The following EXOC6B variants were observed in gnomAD, a reference collection of about 807,000 sequenced individuals.
EXOC6B encodes the protein exocyst complex component 6B, also known as SEC15 homolog B.
In EXOC6B, 54 loss-of-function variants were observed where a neutral mutation model predicts 113.5. That is an observed-to-expected ratio of 0.48 (90% CI 0.38 to 0.60). The LOEUF (loss-of-function observed/expected upper bound fraction) is 0.60. EXOC6B is among the 20% of genes least tolerant of loss of function. The pLI is 0.00. For missense variants in EXOC6B, 797 were observed against 977.5 expected (o/e 0.82, Z 2.46); for synonymous variants, 357 against 339.0 (o/e 1.05, Z -0.58).
intron 6 of EXOC6B, among the ~76,000 whole-genome samples, chr2:72,654,796 G>A (rs1674467844): frequency 6.6e-6 from 1 of 152,158 alleles, no homozygotes; most frequent in Admixed American, 6.5e-5. Flanking sequence ...GAAGTTAGTA[G>A]GCTTTATGAT....
chr2:72,211,742 T>C (rs951703714), intron 20 of EXOC6B, among the ~76,000 whole-genome samples: 3 of 152,230 alleles, frequency 2.0e-5, no homozygotes, highest in African/African-American at 7.2e-5. Flanking sequence ...TAGATTGCTA[T>C]GAAACCAATG....
intron 20 of EXOC6B, among the ~76,000 whole-genome samples, chr2:72,293,118 T>C (rs1320984562): frequency 6.6e-6 from 1 of 152,172 alleles, no homozygotes; most frequent in South Asian, 2.1e-4. Flanking sequence ...CAATCTATTT[T>C]CCAGAGTGAT....
chr2:72,567,343 T>C (rs556607119), intron 7 of EXOC6B, among the ~76,000 whole-genome samples: 3 of 152,148 alleles, frequency 2.0e-5, no homozygotes, highest in African/African-American at 7.2e-5. Flanking sequence ...TTAGTGACAT[T>C]TGCATAATTC....
At chr2:72,661,318 G>A (rs1674995842) in intron 6 of EXOC6B, among the ~76,000 whole-genome samples, 1 of 146,570 alleles carries the variant, frequency 6.8e-6, no homozygotes, top group Non-Finnish European at 1.5e-5. Flanking sequence ...AAACTAAATT[G>A]TCCGTACTCA....
chr2:72,496,463 T>C lies in EXOC6B; in HGVS notation c.1434A>G (p.Glu478=), dbSNP rs1186617687. The change falls in exon 14 of 22, where the codon GAA becomes GAG. Residue 478 remains glutamate (E), a synonymous_variant. Transcript: ENST00000272427. ...TTAAAGTATTCCTTACCTTTTCCAG[T>C]TCTATATCTTGAAATGGGAATTGTC... is the stretch of plus-strand genomic sequence containing the variant. ...VVGQFPFQDI[E]LEKQPFPKKF... The C allele has an allele frequency of 1.3e-6, 2 of 1,583,648 alleles. 1 individual carries two copies. Among genetic ancestry groups the C allele is most frequent in the South Asian group, 2.3e-5 (2 of 87,952 alleles).
intron 20 of EXOC6B, among the ~76,000 whole-genome samples, chr2:72,187,253 G>A (rs1678498761): frequency 6.6e-6 from 1 of 151,998 alleles, no homozygotes; most frequent in African/African-American, 2.4e-5. Context: ...CTGGCTCAGG[G>A]AGCTCCCAGG....
In EXOC6B at chr2:72,265,176, T is replaced by C. The variant is rs1356250907; in HGVS notation, c.2196+69771A>G. Among the ~76,000 whole-genome samples the C allele has an allele frequency of 2.0e-5, 3 of 151,966 alleles. No homozygotes were observed. In the East Asian group the frequency reaches 5.8e-4, roughly 29 times the overall value. ...ATGGACAATGAAGTCCAGGCTGAGA[T>C]GGTCTCAGATGGAGATGAGGAACTT... On this transcript the variant is annotated intron_variant, in intron 20 of 21. Coordinates refer to ENST00000272427, the MANE Select transcript of EXOC6B (RefSeq NM_015189.3).
At chr2:72,718,367 T>C in intron 5 of EXOC6B, 60 bp from the exon 6 acceptor site, 3 of 1,444,780 alleles carry the variant, frequency 2.1e-6, no homozygotes, top group South Asian at 1.2e-5. Flanking sequence ...AGGCAAAATG[T>C]CTAGCCTGAA....
chr2:72,774,310 A>G (rs1683570375), intron 1 of EXOC6B, among the ~76,000 whole-genome samples: 1 of 152,218 alleles, frequency 6.6e-6, no homozygotes, highest in South Asian at 2.1e-4. Flanking sequence ...ATTCTGTAGA[A>G]CACAATAATA....
chr2:72,752,752 C>A (rs891548102), intron 1 of EXOC6B, among the ~76,000 whole-genome samples: 5 of 152,080 alleles, frequency 3.3e-5, no homozygotes, highest in African/African-American at 1.2e-4. Flanking sequence ...CAATAAAAGA[C>A]TATTAATTGT....
intron 18 of EXOC6B, among the ~76,000 whole-genome samples, chr2:72,437,715 G>A (rs563481060): frequency 9.9e-5 from 15 of 152,228 alleles, no homozygotes; most frequent in African/African-American, 3.6e-4. Flanking sequence ...AAATTTTGCT[G>A]CATGTTAACT....
At chr2:72,226,191 G>A (rs748079252) in intron 20 of EXOC6B, among the ~76,000 whole-genome samples, 1 of 152,166 alleles carries the variant, frequency 6.6e-6, no homozygotes, top group Admixed American at 6.5e-5. Context: ...TGAATGCAAC[G>A]AGGTATCCTC....
At chr2:72,401,619 A>G (rs1248105652) in intron 18 of EXOC6B, among the ~76,000 whole-genome samples, 8 of 49,616 alleles carry the variant, frequency 1.6e-4, no homozygotes, top group South Asian at 4.3e-4. Context: ...ATATATATAT[A>G]TACATATATA....
chr2:72,544,315 T>A (rs1332412419), intron 8 of EXOC6B, among the ~76,000 whole-genome samples: 1 of 152,130 alleles, frequency 6.6e-6, no homozygotes, highest in Non-Finnish European at 1.5e-5. Flanking sequence ...CAAATTACTA[T>A]TCTCAGGAAA....
intron 18 of EXOC6B, among the ~76,000 whole-genome samples, chr2:72,393,027 T>G (rs1022757198): frequency 6.6e-6 from 1 of 152,112 alleles, no homozygotes; most frequent in Non-Finnish European, 1.5e-5. Flanking sequence ...AGCTTACAGC[T>G]TAGAAATGAG....
At chr2:72,588,574 C>A (rs1349642639) in intron 6 of EXOC6B, among the ~76,000 whole-genome samples, 2 of 151,758 alleles carry the variant, frequency 1.3e-5, no homozygotes, top group Non-Finnish European at 2.9e-5. Context: ...TTCAATTTTG[C>A]AATATTAAAA....
Position 72,183,039 on chromosome 2 carries a change from T to A in EXOC6B, c.2309+1036A>T, listed in dbSNP as rs542674030. The A allele has an allele frequency of 1.6e-5, 7 of 448,006 alleles. No individual in the cohort carries two copies. The South Asian group carries it at 7.0e-4, about 44-fold the overall frequency. 27.8% of individuals were successfully genotyped at this position (448,006 alleles called of 1,614,324 possible). A position where few individuals can be genotyped will look rare whatever the true frequency, so the allele number is the denominator to read the frequency against. ...TTGGCTCCAAATACATACACCTGCA[T>A]CATGCTCTTGCCTACCCTTCATCTC... On this transcript the variant is annotated intron_variant, in intron 21 of 21. Transcript: ENST00000272427.
At chr2:72,582,213 A>G (rs1315558052) in intron 6 of EXOC6B, among the ~76,000 whole-genome samples, 1 of 152,132 alleles carries the variant, frequency 6.6e-6, no homozygotes, top group Non-Finnish European at 1.5e-5. Flanking sequence ...CTATCCACAC[A>G]AAAATGATTA....
At chr2:72,184,422 T>C (rs1043120665) in intron 20 of EXOC6B, among the ~76,000 whole-genome samples, 2 of 152,246 alleles carry the variant, frequency 1.3e-5, no homozygotes, top group Non-Finnish European at 2.9e-5. Flanking sequence ...GCTAAGACTA[T>C]ATGCCAGCAG....
Sources: allele counts gnomAD v4.1 joint callset (sites outside exome capture counted in the v4.1 genomes callset), GRCh38; gene constraint gnomAD v4.1.1; transcripts MANE v1.5; gene names NCBI Gene and HGNC (gene_info 2026-07-23, HGNC 2026-07-21).